Variants in CALN1 observed in about 807,000 individuals in gnomAD.
The protein encoded by CALN1 is calneuron 1.
A neutral mutation model predicts 30.6 loss-of-function variants in CALN1; 17 were observed. The observed-to-expected ratio is 0.56, with a 90% CI of 0.38 to 0.83. The LOEUF (loss-of-function observed/expected upper bound fraction) is 0.83, where lower values mean the gene tolerates loss of function less well. CALN1 is among the 40% of genes least tolerant of loss of function. The pLI is 0.00. For synonymous variants in CALN1, 156 were observed against 131.4 expected, an observed-to-expected ratio of 1.19 and a Z score of -1.28; for missense variants, 291 against 354.9, an observed-to-expected ratio of 0.82 and a Z score of 1.45.
intron 1 of CALN1, among the ~76,000 whole-genome samples, chr7:72,436,095 A>G (rs561119258): frequency 3.3e-5 from 5 of 152,340 alleles, no homozygotes; most frequent in African/African-American, 9.6e-5. Context: ...GTAAAAGCAC[A>G]GACAGTGCTG....
intron 3 of CALN1, among the ~76,000 whole-genome samples, chr7:72,169,567 T>C (rs1477561134): frequency 6.6e-6 from 1 of 151,588 alleles, no homozygotes; most frequent in Non-Finnish European, 1.5e-5. Context: ...AGGTGATTTT[T>C]TTGCCTCAGC....
At chr7:72,412,630 G>A (rs143188491), upstream of CALN1, among the ~76,000 whole-genome samples, 1,176 of 152,240 alleles carry the variant, frequency 7.7e-3, 11 homozygotes, top group African/African-American at 0.027. Context: ...CACACCCAGG[G>A]GCCACTGCTG....
intron 4 of CALN1, among the ~76,000 whole-genome samples, chr7:72,034,271 G>C (rs2190303): frequency 0.21 from 31,999 of 150,130 alleles, 4,263 homozygotes; most frequent in East Asian, 0.55. Context: ...CGAGAATGGC[G>C]TGAACCCAGG....
At chr7:72,043,426 T>C (rs1395008374) in intron 4 of CALN1, among the ~76,000 whole-genome samples, 2 of 152,164 alleles carry the variant, frequency 1.3e-5, no homozygotes, top group Non-Finnish European at 2.9e-5. Context: ...AAAAATGCTT[T>C]TATGCACACT....
chr7:72,209,310 C>CTCCTTCCCTCTT (rs1792178657), intron 3 of CALN1, among the ~76,000 whole-genome samples: 2 of 21,052 alleles, frequency 9.5e-5, no homozygotes, highest in Admixed American at 6.2e-4. Flanking sequence ...CTTTCCTTCC[C>CTCCTTCCCTCTT]TCCTTCCCTC....
chr7:71,865,916 C>A (rs1002829614), intron 5 of CALN1, among the ~76,000 whole-genome samples: 1 of 152,002 alleles, frequency 6.6e-6, no homozygotes, highest in South Asian at 2.1e-4. Context: ...ATAAAAATTA[C>A]CAATTTTAGA....
intron 5 of CALN1, among the ~76,000 whole-genome samples, chr7:72,019,997 C>T (rs1277998819): frequency 2.0e-5 from 3 of 152,174 alleles, no homozygotes; most frequent in Non-Finnish European, 2.9e-5. Context: ...GATATCAGTA[C>T]CTCCTAAGAT....
At chr7:72,278,834 G>T in intron 2 of CALN1, 24 bp from the exon 3 acceptor site, 1 of 1,591,836 alleles carries the variant, frequency 6.3e-7, no homozygotes. Flanking sequence ...AACAGGGGAG[G>T]GGAAAAGAAA....
intron 5 of CALN1, among the ~76,000 whole-genome samples, chr7:72,015,308 G>C (rs1392794424): frequency 6.6e-6 from 1 of 152,206 alleles, no homozygotes; most frequent in African/African-American, 2.4e-5. Context: ...AGCCAGCGTT[G>C]ACGTCACCCA....
At chr7:71,989,090 C>T (rs1342575165) in intron 5 of CALN1, among the ~76,000 whole-genome samples, 1 of 152,126 alleles carries the variant, frequency 6.6e-6, no homozygotes, top group East Asian at 1.9e-4. Context: ...TTGCTAATTT[C>T]CCAGAAGAAT....
intron 3 of CALN1, among the ~76,000 whole-genome samples, chr7:72,158,122 A>T (rs1368090109): frequency 6.6e-6 from 1 of 152,196 alleles, no homozygotes; most frequent in Non-Finnish European, 1.5e-5. Context: ...CATATTTAGT[A>T]AGTACCTTTG....
intron 5 of CALN1, among the ~76,000 whole-genome samples, chr7:71,856,313 G>T (rs566070796): frequency 6.6e-6 from 1 of 151,898 alleles, no homozygotes; most frequent in South Asian, 2.1e-4. Context: ...TTTTGAGACA[G>T]GGTCTTACTC....
At chr7:72,302,703 G>A (rs980877542) in intron 2 of CALN1, among the ~76,000 whole-genome samples, 4 of 151,864 alleles carry the variant, frequency 2.6e-5, no homozygotes, top group Admixed American at 6.6e-5. Flanking sequence ...TGACCAGCCT[G>A]GCCAACATGG....
intron 5 of CALN1, among the ~76,000 whole-genome samples, chr7:71,891,858 C>T (rs974422649): frequency 2.0e-5 from 3 of 152,084 alleles, no homozygotes; most frequent in Non-Finnish European, 4.4e-5. Context: ...GCAGAAGAAT[C>T]GCTTGAACCT....
At chr7:72,183,612 G>A (rs1789975053) in intron 3 of CALN1, among the ~76,000 whole-genome samples, 1 of 152,178 alleles carries the variant, frequency 6.6e-6, no homozygotes, top group Admixed American at 6.5e-5. Flanking sequence ...TTGCTAACTA[G>A]CCAAATCACA....
intron 4 of CALN1, among the ~76,000 whole-genome samples, chr7:72,096,874 G>A (rs1806272109): frequency 6.6e-6 from 1 of 152,080 alleles, no homozygotes; most frequent in African/African-American, 2.4e-5. Flanking sequence ...GTTTATTGTG[G>A]CACTATTCAC....
intron 3 of CALN1, among the ~76,000 whole-genome samples, chr7:72,269,426 T>A (rs1796826281): frequency 6.6e-6 from 1 of 152,120 alleles, no homozygotes; most frequent in Non-Finnish European, 1.5e-5. Flanking sequence ...TTCTCATTGT[T>A]CAATTCCCAC....
chr7:72,377,590 G>A (rs77695264), intron 2 of CALN1, among the ~76,000 whole-genome samples: 2 of 152,116 alleles, frequency 1.3e-5, no homozygotes, highest in Non-Finnish European at 2.9e-5. Context: ...GCTTATTTTA[G>A]TTATTGTTTG....
chr7:72,434,353 A>C lies in CALN1; in HGVS notation c.-226+12689T>G, dbSNP rs1051102423. On this transcript the variant is annotated intron_variant, in intron 1 of 6. Coordinates refer to the CALN1 transcript ENST00000395276. ...CCCCGTCTCTACTAAAATACCAAAA[A>C]AAAAAAAAACAAAAAAAAAATAGCT... 1.2e-3 allele frequency among the ~76,000 whole-genome samples: 181 copies of C among 151,458 alleles called. 2 individuals carry two copies. Among genetic ancestry groups the C allele is most frequent in the Non-Finnish European group, 1.3e-3 (87 of 67,844 alleles).
Sources: allele counts gnomAD v4.1 joint callset (sites outside exome capture counted in the v4.1 genomes callset), GRCh38; gene constraint gnomAD v4.1.1; transcripts MANE v1.5; gene names NCBI Gene and HGNC (gene_info 2026-07-23, HGNC 2026-07-21).